The following TYW1 variants were observed in gnomAD, a reference collection of about 807,000 sequenced individuals.
TYW1 encodes tRNA-yW synthesizing protein 1 homolog.
Under a neutral mutation model 96.2 loss-of-function variants are expected in TYW1, and 46 were observed. The ratio of observed to expected loss-of-function variants is 0.48; its 90% CI spans 0.38 to 0.61. The LOEUF (loss-of-function observed/expected upper bound fraction) is 0.61. Ranked by LOEUF, TYW1 falls within the 20% of genes least tolerant of loss-of-function variation. The pLI is 0.00. For synonymous variants in TYW1, 274 were observed against 323.0 expected (o/e 0.85, Z 1.63); for missense variants, 684 against 909.6 (o/e 0.75, Z 3.19).
At chr7:67,210,877 CATCT>C (rs1197213617) in intron 15 of TYW1, among the ~76,000 whole-genome samples, 1 of 148,908 alleles carries the variant, frequency 6.7e-6, no homozygotes, top group Non-Finnish European at 1.5e-5. Context: ...TCTATCTATC[CATCT>C]GTCCATCCAT....
intron 13 of TYW1, among the ~76,000 whole-genome samples, chr7:67,145,381 C>T (rs1563038845): frequency 6.6e-6 from 1 of 151,976 alleles, no homozygotes; most frequent in Admixed American, 6.6e-5. Context: ...GATCTCCTGA[C>T]CTCTTGATCC....
intron 7 of TYW1, among the ~76,000 whole-genome samples, chr7:67,041,689 G>A (rs576397664): frequency 2.0e-5 from 3 of 152,306 alleles, no homozygotes; most frequent in South Asian, 2.1e-4. Flanking sequence ...AATTGCCTTA[G>A]TTGTTACTGT....
chr7:67,231,680 G>GT (rs1018784829), intron 15 of TYW1, among the ~76,000 whole-genome samples: 8 of 151,848 alleles, frequency 5.3e-5, no homozygotes, highest in African/African-American at 1.7e-4. Context: ...GTATGACCAT[G>GT]TTTTTCTCAT....
chr7:67,043,870 C>A (rs1035134177), intron 7 of TYW1, among the ~76,000 whole-genome samples: 3 of 152,104 alleles, frequency 2.0e-5, no homozygotes, highest in African/African-American at 7.2e-5. Context: ...TCAGTATATA[C>A]AAAAGCTTTG....
chr7:66,996,875 A>G lies in TYW1; in HGVS notation c.-104A>G, dbSNP rs1403310501. On this transcript the variant is annotated 5_prime_UTR_variant, in exon 1 of 16. Coordinates refer to ENST00000359626, the MANE Select transcript of TYW1 (RefSeq NM_018264.4). Reference sequence around the variant, plus strand: ...GCCCACAGGTCTGCAGGCACTCGGTACGCCGCTAACGCGGCGAGGTAGCTC... The same window carrying G: ...GCCCACAGGTCTGCAGGCACTCGGTGCGCCGCTAACGCGGCGAGGTAGCTC... The G allele has an allele frequency of 2.5e-6, 4 of 1,583,276 alleles. No individual in the cohort carries two copies. In the South Asian group the frequency reaches 3.4e-5, roughly 13 times the overall value.
chr7:67,165,680 C>T (rs1481386122), intron 13 of TYW1, among the ~76,000 whole-genome samples: 1 of 152,192 alleles, frequency 6.6e-6, no homozygotes, highest in African/African-American at 2.4e-5. Context: ...GTAATCCCAG[C>T]ACTCTGGGAG....
chr7:67,208,605 GC>G (rs1800891982), intron 15 of TYW1, among the ~76,000 whole-genome samples: 1 of 149,646 alleles, frequency 6.7e-6, no homozygotes, highest in African/African-American at 2.5e-5. Context: ...CAGGAGAATC[GC>G]TTGAACCCGT....
At chr7:67,027,922 T>TC (rs1794506994) in intron 7 of TYW1, among the ~76,000 whole-genome samples, 1 of 110,052 alleles carries the variant, frequency 9.1e-6, no homozygotes, top group Non-Finnish European at 1.8e-5. Context: ...AGAGCGAGAC[T>TC]CCATCTCAAA....
chr7:67,118,984 A>G (rs986392731), intron 13 of TYW1, among the ~76,000 whole-genome samples: 13 of 151,820 alleles, frequency 8.6e-5, no homozygotes, highest in Non-Finnish European at 1.9e-4. Context: ...TAAGCCATCA[A>G]TAGCCTCAGA....
intron 13 of TYW1, among the ~76,000 whole-genome samples, chr7:67,170,938 G>A (rs879475549): frequency 6.6e-6 from 1 of 151,808 alleles, no homozygotes; most frequent in Non-Finnish European, 1.5e-5. Flanking sequence ...TGGCCTCGGA[G>A]AAGGAGGTGT....
chr7:67,017,949 G>A lies in TYW1; in HGVS notation c.667G>A (p.Gly223Ser), dbSNP rs1349245211. The A allele has an allele frequency of 1.5e-5, 24 of 1,614,034 alleles. No homozygotes were observed. Among genetic ancestry groups the A allele is most frequent in the Non-Finnish European group, 1.8e-5 (21 of 1,180,056 alleles). ...GDCDVVKSKH[G>S]SIEADFRAWK... Reference sequence around the variant, plus strand: ...CTGCGACGTGGTTAAAAGCAAGCACGGCAGCATTGAGGCCGACTTCAGAGC... The same window carrying A: ...CTGCGACGTGGTTAAAAGCAAGCACAGCAGCATTGAGGCCGACTTCAGAGC... Residue 223 changes from glycine (G) to serine (S), a missense_variant, in exon 6 of 16, where the codon GGC becomes AGC. Physicochemically the swap from Gly to Ser is moderately conservative, Grantham distance 56. Coordinates refer to ENST00000359626, the MANE Select transcript of TYW1 (RefSeq NM_018264.4).
chr7:67,054,069 T>C (rs1356058357), intron 8 of TYW1, among the ~76,000 whole-genome samples: 2 of 152,238 alleles, frequency 1.3e-5, no homozygotes, highest in Admixed American at 6.5e-5. Context: ...ATCACCATCC[T>C]TTGTTGCCTG....
chr7:67,152,288 A>T (rs1798826819), intron 13 of TYW1, among the ~76,000 whole-genome samples: 1 of 152,192 alleles, frequency 6.6e-6, no homozygotes, highest in South Asian at 2.1e-4. Context: ...ATACTCGGAA[A>T]CTGCTCTGCT....
At position 67,111,597 on chromosome 7, in the gene TYW1, C is replaced by T. The variant is rs560557898; in HGVS notation, c.1563-5886C>T. ...CAGAGACCCATGGGGCACCTTCAGG[C>T]ATGCCAACATATTTATAAAGGGAAT... is the stretch of plus-strand genomic sequence containing the variant. On this transcript the variant is annotated intron_variant, in intron 12 of 15. Transcript: ENST00000359626. 2.7e-3 allele frequency among the ~76,000 whole-genome samples: 410 copies of T among 152,228 alleles called. 4 individuals carry two copies. Among genetic ancestry groups the T allele is most frequent in the Non-Finnish European group, 4.2e-3 (285 of 68,022 alleles).
At chr7:67,077,943 G>A (rs1042470693) in intron 10 of TYW1, among the ~76,000 whole-genome samples, 1 of 152,072 alleles carries the variant, frequency 6.6e-6, no homozygotes, top group African/African-American at 2.4e-5. Flanking sequence ...CCCACTGCAT[G>A]ACCTTGGCAC....
At chr7:67,146,482 A>G (rs1798614454) in intron 13 of TYW1, among the ~76,000 whole-genome samples, 2 of 149,944 alleles carry the variant, frequency 1.3e-5, no homozygotes, top group South Asian at 2.1e-4. Context: ...AAATAAAAAT[A>G]TAACATAGGC....
At chr7:67,209,483 C>T (rs1800925802) in intron 15 of TYW1, among the ~76,000 whole-genome samples, 1 of 152,154 alleles carries the variant, frequency 6.6e-6, no homozygotes, top group African/African-American at 2.4e-5. Context: ...GGGTCACAGG[C>T]CAGTGGAAGC....
intron 15 of TYW1, among the ~76,000 whole-genome samples, chr7:67,221,491 A>G (rs9690092): frequency 0.62 from 94,230 of 152,090 alleles, 29,276 homozygotes; most frequent in Middle Eastern, 0.72. Context: ...TTCATCGAAA[A>G]TAATGACCGA....
At chr7:67,206,188 G>C (rs773664430) in intron 15 of TYW1, among the ~76,000 whole-genome samples, 1 of 152,096 alleles carries the variant, frequency 6.6e-6, no homozygotes, top group Admixed American at 6.6e-5. Flanking sequence ...GAAAGGTGTC[G>C]CCCAGTTAAG....
Sources: allele counts gnomAD v4.1 joint callset (sites outside exome capture counted in the v4.1 genomes callset), GRCh38; gene constraint gnomAD v4.1.1; transcripts MANE v1.5; gene names NCBI Gene and HGNC (gene_info 2026-07-23, HGNC 2026-07-21).